The following SPNS3 variants were observed in gnomAD, a reference collection of about 807,000 sequenced individuals.
SPNS3 encodes the protein SPNS lysolipid transporter 3, sphingosine-1-phosphate (putative), also known as protein spinster homolog 3.
A neutral mutation model predicts 54.4 loss-of-function variants in SPNS3; 51 were observed. The ratio of observed to expected loss-of-function variants is 0.94; its 90% CI spans 0.75 to 1.18. SPNS3 has a LOEUF of 1.18. SPNS3 is among the 50% of genes most tolerant of loss of function. The pLI is 0.00. For synonymous variants in SPNS3, 309 were observed against 294.7 expected, an observed-to-expected ratio of 1.05 and a Z score of -0.50; for missense variants, 669 against 677.4, an observed-to-expected ratio of 0.99 and a Z score of 0.14.
chr17:4,452,271 AT>A (rs869174476), intron 7 of SPNS3, among the ~76,000 whole-genome samples: 1 of 152,082 alleles, frequency 6.6e-6, no homozygotes, highest in South Asian at 2.1e-4. Context: ...TGATTTAAAA[AT>A]TTTTTGTAGA....
chr17:4,476,309 G>A (rs1297894402), intron 8 of SPNS3, among the ~76,000 whole-genome samples: 3 of 152,240 alleles, frequency 2.0e-5, no homozygotes, highest in Admixed American at 2.0e-4. Context: ...AGCCTGAAAG[G>A]CCCCATTGTA....
chr17:4,460,263 T>C (rs1971460629), intron 8 of SPNS3, among the ~76,000 whole-genome samples: 1 of 152,122 alleles, frequency 6.6e-6, no homozygotes, highest in Non-Finnish European at 1.5e-5. Context: ...AAGTGAGACA[T>C]CTGGCTTTTG....
intron 2 of SPNS3, among the ~76,000 whole-genome samples, chr17:4,442,423 C>T (rs1970875616): frequency 6.6e-6 from 1 of 152,034 alleles, no homozygotes; most frequent in South Asian, 2.1e-4. Flanking sequence ...ATCCCAGCTA[C>T]TTGGGAGGCT....
chr17:4,442,970 T>C (rs1970890399), intron 2 of SPNS3, among the ~76,000 whole-genome samples: 2 of 152,208 alleles, frequency 1.3e-5, no homozygotes, highest in South Asian at 4.1e-4. Context: ...ATCTGCAGAT[T>C]CACAGAGCGT....
intron 8 of SPNS3, among the ~76,000 whole-genome samples, chr17:4,472,767 T>A (rs1363995190): frequency 1.4e-5 from 2 of 145,366 alleles, no homozygotes; most frequent in African/African-American, 5.0e-5. Context: ...CTCTTTTGCT[T>A]GGCAGCCTTT....
intron 8 of SPNS3, among the ~76,000 whole-genome samples, chr17:4,456,546 G>A (rs1296027729): frequency 6.6e-6 from 1 of 152,018 alleles, no homozygotes; most frequent in Admixed American, 6.6e-5. Context: ...ATTTTTTTGA[G>A]ACGGAGTCTC....
chr17:4,464,575 T>G (rs1971627146), intron 8 of SPNS3, among the ~76,000 whole-genome samples: 2 of 152,158 alleles, frequency 1.3e-5, no homozygotes, highest in Non-Finnish European at 2.9e-5. Flanking sequence ...TAGGGCAAGA[T>G]CTTGACCTTG....
At position 4,446,903 on chromosome 17, in the gene SPNS3, G is replaced by A. The variant is rs749573841; in HGVS notation, c.562G>A (p.Gly188Ser). 12 of 1,614,088 alleles carry A rather than the reference G, an allele frequency of 7.4e-6. No individual in the cohort carries two copies. The highest frequency in any genetic ancestry group is 5.5e-5 in the South Asian group (5 of 91,086). The change falls in exon 5 of 12, where the codon GGC becomes AGC. Residue 188 changes from glycine (G) to serine (S), a missense_variant. Transcript: ENST00000355530. ...CCTGCCCCTTTGTTGCAGTGGTCTG[G>A]GCTACGTGCTGGGGTCGGCTGTGAC... ...YIFIPVGSGL[G>S]YVLGSAVTML... is the part of the protein sequence containing the mutation.
At chr17:4,461,361 CTTTTTTTTT>C (rs55928003) in intron 8 of SPNS3, among the ~76,000 whole-genome samples, 4 of 33,394 alleles carry the variant, frequency 1.2e-4, no homozygotes, top group Non-Finnish European at 2.4e-4. Context: ...CTTTTCTTTT[CTTTTTTTTT>C]TTTTTTTTTT....
chr17:4,454,265 AG>A (rs1971244557), intron 8 of SPNS3, among the ~76,000 whole-genome samples: 1 of 152,224 alleles, frequency 6.6e-6, no homozygotes, highest in Admixed American at 6.5e-5. Flanking sequence ...GGCTCCCCAA[AG>A]CCCCAGCCCT....
chr17:4,445,469 G>A (rs1263075283), intron 3 of SPNS3, among the ~76,000 whole-genome samples: 4 of 151,432 alleles, frequency 2.6e-5, no homozygotes, highest in South Asian at 2.1e-4. Flanking sequence ...TCTGCCTCCC[G>A]AGTTCAAGCA....
At chr17:4,449,042 C>T (rs1971082383) in intron 6 of SPNS3, among the ~76,000 whole-genome samples, 193 bp from the exon 7 acceptor site, 1 of 152,070 alleles carries the variant, frequency 6.6e-6, no homozygotes, top group Non-Finnish European at 1.5e-5. Context: ...CTTGGGGTAA[C>T]CTGAGTGTCT....
rs1024545855 is a variant in SPNS3 at position 4,477,145 on chromosome 17, A to G, written c.1114-1427A>G. ...CCCCCGTGGCCTCTTCAACCTCACC[A>G]TGCACAGGCCATCACGGCGTGGGGG... On this transcript the variant is annotated intron_variant, in intron 8 of 11. Transcript: ENST00000355530. 1.1e-4 allele frequency among the ~76,000 whole-genome samples: 17 copies of G among 152,182 alleles called. No homozygotes were observed. In the East Asian group the frequency reaches 1.7e-3, roughly 16 times the overall value.
Position 4,453,118 on chromosome 17 carries a change from C to A in SPNS3, c.1026C>A (p.Pro342=), listed in dbSNP as rs1225713556. The A allele has an allele frequency of 6.2e-7, 1 of 1,614,082 alleles. No individual in the cohort carries two copies. The highest frequency in any genetic ancestry group is 8.5e-7 in the Non-Finnish European group (1 of 1,180,006). ...RYKKVIPGAE[P]LICASSLLAT... is the part of the protein sequence containing the mutation. ...AGAAAGTCATTCCAGGAGCTGAGCC[C>A]CTCATCTGCGCCTCCAGCCTGCTTG... The change falls in exon 8 of 12, where the codon CCC becomes CCA. Residue 342 remains proline, a synonymous_variant. Coordinates refer to ENST00000355530, the MANE Select transcript of SPNS3 (RefSeq NM_182538.5).
rs1295913129 is a variant in SPNS3 at position 4,445,118 on chromosome 17, A to G, written c.352A>G (p.Ile118Val). ...CCGCAAGGCTACCATGAGCTTCGGT[A>G]TCTTGCTGTGGTCAGGAGCTGGCCT... ...HSRKATMSFG[I>V]LLWSGAGLSS... The change falls in exon 3 of 12, where the codon ATC becomes GTC. Residue 118 changes from isoleucine to valine, a missense_variant. Ile to Val is a conservative substitution (Grantham distance 29, BLOSUM62 3). Transcript: ENST00000355530. 5.0e-6 allele frequency: 8 copies of G among 1,614,176 alleles called. No individual in the cohort carries two copies. Among genetic ancestry groups the G allele is most frequent in the East Asian group, 2.2e-5 (1 of 44,872 alleles).
intron 3 of SPNS3, among the ~76,000 whole-genome samples, chr17:4,445,719 C>A (rs753018851): frequency 2.0e-5 from 3 of 152,062 alleles, no homozygotes; most frequent in Non-Finnish European, 4.4e-5. Context: ...TCTCTCCTAC[C>A]TCTCACTGCC....
intron 8 of SPNS3, among the ~76,000 whole-genome samples, chr17:4,465,341 C>G (rs1971648621): frequency 6.6e-6 from 1 of 152,122 alleles, no homozygotes; most frequent in Admixed American, 6.6e-5. Context: ...ATGACCTACC[C>G]TTGAAAGTTA....
chr17:4,470,302 G>A (rs572100582), intron 8 of SPNS3, among the ~76,000 whole-genome samples: 7 of 152,122 alleles, frequency 4.6e-5, no homozygotes, highest in Admixed American at 3.9e-4. Flanking sequence ...GGTGGTGGGC[G>A]CCTGTAATCC....
At chr17:4,446,779 C>A (rs113013184) in intron 4 of SPNS3, 117 bp from the exon 5 acceptor site, 2 of 908,804 alleles carry the variant, frequency 2.2e-6, no homozygotes, top group Non-Finnish European at 3.5e-6. Context: ...CAGGTCTGAG[C>A]CTGCAGAGAG....
Sources: gnomAD v4.1 joint callset for allele counts (sites outside exome capture counted in the v4.1 genomes callset) on GRCh38, gnomAD v4.1.1 for gene constraint, MANE v1.5 for transcripts, NCBI Gene and HGNC (gene_info 2026-07-23, HGNC 2026-07-21) for gene names.